RCAN2: variants seen among roughly 807,000 people sequenced by gnomAD.
The protein encoded by RCAN2 is regulator of calcineurin 2.
Under a neutral mutation model 23.6 loss-of-function variants are expected in RCAN2, and 9 were observed. The ratio of observed to expected loss-of-function variants is 0.38; its 90% CI spans 0.23 to 0.67. The LOEUF is 0.67. RCAN2 is among the 30% of genes least tolerant of loss of function. RCAN2 has a pLI of 0.51. For synonymous variants in RCAN2, 109 were observed against 115.7 expected, an observed-to-expected ratio of 0.94 and a Z score of 0.37; for missense variants, 273 against 302.3, an observed-to-expected ratio of 0.90 and a Z score of 0.72.
intron 2 of RCAN2, among the ~76,000 whole-genome samples, chr6:46,312,382 T>TA (rs1236598936): frequency 1.3e-5 from 2 of 152,186 alleles, no homozygotes; most frequent in East Asian, 1.9e-4. Context: ...AATTTCCACT[T>TA]ACGAGTTTTT....
At chr6:46,231,409 G>A (rs1028694753) in intron 4 of RCAN2, among the ~76,000 whole-genome samples, 15 of 146,906 alleles carry the variant, frequency 1.0e-4, no homozygotes, top group Non-Finnish European at 1.8e-4. Flanking sequence ...CTCGGTTTGT[G>A]GCATTTTTTT....
chr6:46,310,595 A>G (rs1763225152), intron 2 of RCAN2, among the ~76,000 whole-genome samples: 1 of 149,280 alleles, frequency 6.7e-6, no homozygotes, highest in Non-Finnish European at 1.5e-5. Flanking sequence ...TCTTAGTGGA[A>G]TTAATACTGA....
chr6:46,468,289 T>C (rs1768451197), intron 1 of RCAN2, among the ~76,000 whole-genome samples: 1 of 152,224 alleles, frequency 6.6e-6, no homozygotes, highest in Non-Finnish European at 1.5e-5. Flanking sequence ...TTCTAAACCT[T>C]TTAGTTTTAT....
intron 1 of RCAN2, among the ~76,000 whole-genome samples, chr6:46,484,998 C>T (rs1043589115): frequency 6.6e-6 from 1 of 152,070 alleles, no homozygotes; most frequent in Non-Finnish European, 1.5e-5. Context: ...ATTAGTATAA[C>T]CCGCTAAAAA....
chr6:46,301,887 T>C (rs1199476652), intron 2 of RCAN2, among the ~76,000 whole-genome samples: 3 of 152,048 alleles, frequency 2.0e-5, no homozygotes, highest in Admixed American at 6.6e-5. Flanking sequence ...TAGTACTTTG[T>C]TGGCAATGGT....
intron 1 of RCAN2, among the ~76,000 whole-genome samples, chr6:46,463,226 T>A (rs1353545977): frequency 6.6e-6 from 1 of 152,190 alleles, no homozygotes. Flanking sequence ...AAGAGACAGA[T>A]GCATGATAAG....
At chr6:46,364,516 C>A (rs1012242227) in intron 2 of RCAN2, among the ~76,000 whole-genome samples, 2 of 152,204 alleles carry the variant, frequency 1.3e-5, no homozygotes, top group Non-Finnish European at 2.9e-5. Flanking sequence ...GTAACCCACA[C>A]TCCACAGACT....
intron 2 of RCAN2, among the ~76,000 whole-genome samples, chr6:46,362,279 A>G (rs1215012441): frequency 6.6e-6 from 1 of 152,156 alleles, no homozygotes; most frequent in Admixed American, 6.5e-5. Context: ...GAGTGAATTC[A>G]AACAGTTTGG....
intron 2 of RCAN2, among the ~76,000 whole-genome samples, chr6:46,277,095 AG>A (rs911130275): frequency 4.7e-4 from 72 of 152,380 alleles, no homozygotes; most frequent in African/African-American, 1.5e-3. Flanking sequence ...AAAGTAATTT[AG>A]AATGGTGGTT....
rs1768053984 is a variant in RCAN2, at chr6:46,456,943, T to C, written c.34A>G (p.Ser12Gly). ...GGGACGTGTCCCTGCTGCCCTGGGCTCCTCATTCCGATGAAGTATGATTCT... is the reference window on the plus strand; with the variant it reads ...GGGACGTGTCCCTGCTGCCCTGGGCCCCTCATTCCGATGAAGTATGATTCT... ...RGESYFIGMR[S>G]PGQQGHVPED... Residue 12 changes from serine (S) to glycine (G), a missense_variant, in exon 2 of 5, where the codon AGC (serine) becomes GGC (glycine). Physicochemically the swap from Ser to Gly is moderately conservative, Grantham distance 56. Coordinates refer to ENST00000371374, the MANE Select transcript of RCAN2 (RefSeq NM_001251974.2). 6.4e-7 allele frequency: 1 copy of C among 1,550,866 alleles called. No individual in the cohort carries two copies. Among genetic ancestry groups the C allele is most frequent in the African/African-American group, 1.4e-5 (1 of 73,182 alleles).
At chr6:46,412,300 GTC>G (rs1766571128) in intron 2 of RCAN2, among the ~76,000 whole-genome samples, 1 of 152,166 alleles carries the variant, frequency 6.6e-6, no homozygotes, top group African/African-American at 2.4e-5. Flanking sequence ...GATATCTAGA[GTC>G]TGTTTTGTCC....
rs76184674 is a variant in RCAN2 at position 46,314,549 on chromosome 6, C to T, written c.226-65653G>A. Among the ~76,000 whole-genome samples, 844 of 151,396 alleles carry T rather than the reference C, an allele frequency of 5.6e-3. 5 individuals carry two copies. Among genetic ancestry groups the T allele is most frequent in the African/African-American group, 0.018 (759 of 41,328 alleles). On this transcript the variant is annotated intron_variant, in intron 2 of 4. Coordinates refer to ENST00000371374, the MANE Select transcript of RCAN2 (RefSeq NM_001251974.2). ...AAAAAAAAAACTGAACTCAGTTGGG[C>T]AATTAATCTAATTTCTACCTATCTC...
intron 1 of RCAN2, among the ~76,000 whole-genome samples, 199 bp downstream of exon 1, chr6:46,490,974 C>T (rs1769123702): frequency 6.6e-6 from 1 of 151,268 alleles, no homozygotes; most frequent in South Asian, 2.1e-4. Context: ...GACCACAGAT[C>T]TGGAGACAAA....
chr6:46,430,683 A>G (rs912374893), intron 2 of RCAN2, among the ~76,000 whole-genome samples: 6 of 152,198 alleles, frequency 3.9e-5, no homozygotes, highest in Non-Finnish European at 8.8e-5. Context: ...ACTTTTATAC[A>G]TTCTCACTGA....
chr6:46,328,103 C>G (rs556226883), intron 2 of RCAN2, among the ~76,000 whole-genome samples: 7 of 152,220 alleles, frequency 4.6e-5, no homozygotes, highest in African/African-American at 1.4e-4. Flanking sequence ...TGTGATATGC[C>G]CTGACCAGAG....
intron 2 of RCAN2, among the ~76,000 whole-genome samples, chr6:46,305,503 T>G (rs534181589): frequency 1.3e-5 from 2 of 152,188 alleles, no homozygotes; most frequent in Non-Finnish European, 2.9e-5. Flanking sequence ...TCTCAGACTC[T>G]GCTAGACAGT....
rs1768453109 is a variant in RCAN2, at chr6:46,468,378, A to G, written c.-2-11400T>C. ...TTCCCTGCTTCAATCTTATAGTCTT[A>G]CTTACCCTTCTCTTTTCTTTAATCA... On this transcript the variant is annotated intron_variant, in intron 1 of 4. Transcript: ENST00000371374. Among the ~76,000 whole-genome samples, 3 of 152,274 alleles carry G rather than the reference A, an allele frequency of 2.0e-5. No individual in the cohort carries two copies. The South Asian group carries it at 6.2e-4, about 32-fold the overall frequency.
At chr6:46,364,481 T>C (rs1765106779) in intron 2 of RCAN2, among the ~76,000 whole-genome samples, 1 of 152,124 alleles carries the variant, frequency 6.6e-6, no homozygotes. Flanking sequence ...AGTTCTCCAA[T>C]ACTACCTAGC....
At chr6:46,263,439 TG>T (rs1258747445) in intron 2 of RCAN2, among the ~76,000 whole-genome samples, 1 of 151,102 alleles carries the variant, frequency 6.6e-6, no homozygotes, top group Non-Finnish European at 1.5e-5. Flanking sequence ...TTCAGAGTAA[TG>T]TGTCATCAGA....
Sources: gnomAD v4.1 joint callset for allele counts (sites outside exome capture counted in the v4.1 genomes callset) on GRCh38, gnomAD v4.1.1 for gene constraint, MANE v1.5 for transcripts, NCBI Gene and HGNC (gene_info 2026-07-23, HGNC 2026-07-21) for gene names.